NOX4: variants seen among roughly 807,000 people sequenced by gnomAD.
NOX4 encodes the protein kidney oxidase-1.
Under a neutral mutation model 87.6 loss-of-function variants are expected in NOX4, and 69 were observed. The ratio of observed to expected loss-of-function variants is 0.79; its 90% CI spans 0.65 to 0.96. The LOEUF (loss-of-function observed/expected upper bound fraction) is 0.96. NOX4 is among the 40% of genes least tolerant of loss of function. The pLI, the probability that NOX4 is intolerant of heterozygous loss-of-function variation, is 0.00. For missense variants in NOX4, 680 were observed against 681.5 expected (o/e 1.00, Z 0.02); for synonymous variants, 275 against 238.2 (o/e 1.15, Z -1.42).
chr11:89,479,410 G>C (rs1184154893), intron 2 of NOX4, among the ~76,000 whole-genome samples: 1 of 151,928 alleles, frequency 6.6e-6, no homozygotes, highest in African/African-American at 2.4e-5. Context: ...TGATCATAAA[G>C]AAAAGAGATA....
chr11:89,340,934 C>T (rs1252139258), intron 14 of NOX4, among the ~76,000 whole-genome samples: 2 of 151,936 alleles, frequency 1.3e-5, no homozygotes, highest in East Asian at 1.9e-4. Flanking sequence ...ATCATTCAAA[C>T]ACATCACTTA....
the NOX4 span, among the ~76,000 whole-genome samples, chr11:89,553,636 A>G: frequency 6.6e-6 from 1 of 152,200 alleles, no homozygotes; most frequent in African/African-American, 2.4e-5. Flanking sequence ...TCATTATTGA[A>G]TAAGAATTAA....
At chr11:89,367,138 T>C (rs74489420) in intron 12 of NOX4, among the ~76,000 whole-genome samples, 7,597 of 152,210 alleles carry the variant, frequency 0.05, 651 homozygotes, top group African/African-American at 0.17. Flanking sequence ...GATTTCCACA[T>C]AGACTCACAA....
chr11:89,506,211 A>AAGAAAGAGAGAG, the NOX4 span, among the ~76,000 whole-genome samples: 2 of 121,228 alleles, frequency 1.6e-5, no homozygotes, highest in Admixed American at 1.8e-4. Context: ...CATTTGTAGA[A>AAGAAAGAGAGAG]AGAAAGAAAG....
chr11:89,583,299 A>T, the NOX4 span, among the ~76,000 whole-genome samples: 1 of 152,120 alleles, frequency 6.6e-6, no homozygotes, highest in African/African-American at 2.4e-5. Context: ...GGTGAAACTT[A>T]ATATTGTTTA....
At chr11:89,582,489 A>G in the NOX4 span, among the ~76,000 whole-genome samples, 90 of 152,248 alleles carry the variant, frequency 5.9e-4, 2 homozygotes, top group Admixed American at 4.3e-3. Context: ...ACTAATTTAC[A>G]TTCCCACCAA....
At chr11:89,449,811 T>C (rs16913264) in intron 3 of NOX4, among the ~76,000 whole-genome samples, 3,398 of 152,174 alleles carry the variant, frequency 0.022, 131 homozygotes, top group African/African-American at 0.078. Context: ...TGATCAACAC[T>C]AATGGCATTA....
chr11:89,406,168 GA>G (rs1450210558), intron 8 of NOX4, among the ~76,000 whole-genome samples: 1 of 151,922 alleles, frequency 6.6e-6, no homozygotes. Context: ...TCTTATATTT[GA>G]AGGCCATTAT....
rs762634019 is a variant in NOX4 at position 89,373,399 on chromosome 11, A to C, written c.1135+33T>G. 41 of 1,234,126 alleles carry C rather than the reference A, an allele frequency of 3.3e-5. 1 individual carries two copies. In the South Asian group the frequency reaches 4.9e-4, roughly 15 times the overall value. 76.4% of individuals were successfully genotyped at this position (1,234,126 alleles called of 1,614,324 possible). On this transcript the variant is annotated intron_variant, in intron 12 of 17. Coordinates refer to ENST00000263317, the MANE Select transcript of NOX4 (RefSeq NM_016931.5). ...AATTATTACATTCCACTATTTTCAA[A>C]GAATGTATCTTAAAACTGTATGTTC...
the NOX4 span, among the ~76,000 whole-genome samples, chr11:89,555,180 G>A: frequency 1.2e-5 from 1 of 84,352 alleles, no homozygotes; most frequent in African/African-American, 4.7e-5. Context: ...TTCCAGAGTT[G>A]TTAAAAAAAA....
chr11:89,476,022 T>C (rs370401877), intron 2 of NOX4, among the ~76,000 whole-genome samples: 1 of 152,294 alleles, frequency 6.6e-6, no homozygotes, highest in East Asian at 1.9e-4. Flanking sequence ...TCCTGCCATG[T>C]ACAAAACAAA....
At chr11:89,503,627 T>C in the NOX4 span, among the ~76,000 whole-genome samples, 43 of 151,868 alleles carry the variant, frequency 2.8e-4, no homozygotes, top group East Asian at 7.8e-3. Flanking sequence ...TTGGAATTCC[T>C]GACTTCCACT....
intron 2 of NOX4, among the ~76,000 whole-genome samples, chr11:89,476,461 T>C (rs1334195216): frequency 6.6e-6 from 1 of 152,154 alleles, no homozygotes; most frequent in African/African-American, 2.4e-5. Context: ...TAAAATCAAA[T>C]ATATTAATAT....
At chr11:89,421,838 G>C in intron 8 of NOX4, 64 bp downstream of exon 8, 2 of 954,016 alleles carry the variant, frequency 2.1e-6, no homozygotes, top group Non-Finnish European at 3.2e-6. Flanking sequence ...TTCCTATAGA[G>C]TTTTCTTTCA....
intron 2 of NOX4, among the ~76,000 whole-genome samples, chr11:89,483,350 T>C (rs1380032560): frequency 6.6e-6 from 1 of 152,006 alleles, no homozygotes; most frequent in Non-Finnish European, 1.5e-5. Context: ...AATACAAATT[T>C]GGTCAACAGA....
At chr11:89,432,324 A>G (rs1486320999) in intron 7 of NOX4, among the ~76,000 whole-genome samples, 2 of 152,086 alleles carry the variant, frequency 1.3e-5, no homozygotes, top group Non-Finnish European at 2.9e-5. Flanking sequence ...CATTATGCAC[A>G]TGTACCCTAG....
intron 2 of NOX4, among the ~76,000 whole-genome samples, chr11:89,463,338 AT>A (rs1945552232): frequency 1.3e-5 from 2 of 151,914 alleles, no homozygotes; most frequent in South Asian, 2.1e-4. Context: ...TTGATGCAAT[AT>A]TTTTTGGCAA....
chr11:89,399,472 T>TATATATATATATA (rs1941697839), intron 11 of NOX4, among the ~76,000 whole-genome samples: 15 of 140,258 alleles, frequency 1.1e-4, no homozygotes, highest in Non-Finnish European at 1.7e-4. Flanking sequence ...TATATATATA[T>TATATATATATATA]TTGTTTTTTG....
intron 2 of NOX4, among the ~76,000 whole-genome samples, chr11:89,455,925 G>A (rs1945178700): frequency 6.6e-6 from 1 of 151,924 alleles, no homozygotes; most frequent in Non-Finnish European, 1.5e-5. Flanking sequence ...AAGAGTAGTG[G>A]GAAGTGGGGA....
Sources: gnomAD v4.1 joint callset for allele counts (sites outside exome capture counted in the v4.1 genomes callset) on GRCh38, gnomAD v4.1.1 for gene constraint, MANE v1.5 for transcripts, NCBI Gene and HGNC (gene_info 2026-07-23, HGNC 2026-07-21) for gene names.